MAF: variants seen among roughly 807,000 people sequenced by gnomAD.
MAF encodes the protein MAF bZIP transcription factor, also known as transcription factor Maf.
A neutral mutation model predicts 22.0 loss-of-function variants in MAF; 10 were observed. The ratio of observed to expected loss-of-function variants is 0.45; its 90% confidence interval spans 0.28 to 0.77. MAF has a LOEUF of 0.77. Ranked by LOEUF, MAF falls within the 30% of genes least tolerant of loss-of-function variation. The probability of loss-of-function intolerance (pLI) is 0.12; values close to 1 mark genes in which losing one functional copy is unlikely to be tolerated. For missense variants in MAF, 544 were observed against 548.4 expected, an observed-to-expected ratio of 0.99 and a Z score of 0.08; for synonymous variants, 337 against 255.8, an observed-to-expected ratio of 1.32 and a Z score of -3.03.
chr16:79,333,204 A>G, the MAF span, among the ~76,000 whole-genome samples: 1 of 152,174 alleles, frequency 6.6e-6, no homozygotes, highest in Non-Finnish European at 1.5e-5. Flanking sequence ...TCGCTGGACC[A>G]GAAGAACTTT....
At chr16:79,515,450 A>C in the MAF span, among the ~76,000 whole-genome samples, 8 of 152,216 alleles carry the variant, frequency 5.3e-5, no homozygotes, top group African/African-American at 1.9e-4. Flanking sequence ...AAGTTATTCA[A>C]CACTTTATTA....
At chr16:79,510,639 G>A in the MAF span, among the ~76,000 whole-genome samples, 727 of 152,278 alleles carry the variant, frequency 4.8e-3, 3 homozygotes, top group Middle Eastern at 0.024. Flanking sequence ...GAAGACTTGT[G>A]ACCTAAACAA....
the MAF span, among the ~76,000 whole-genome samples, chr16:79,453,081 A>G: frequency 1.3e-3 from 204 of 152,276 alleles, 2 homozygotes; most frequent in African/African-American, 4.8e-3. Context: ...TCTCTAGGTA[A>G]TGTCATCCAA....
chr16:79,283,988 C>CAA, the MAF span, among the ~76,000 whole-genome samples: 2 of 136,654 alleles, frequency 1.5e-5, no homozygotes, highest in African/African-American at 2.7e-5. Flanking sequence ...AAAAAAAAGA[C>CAA]AAAGCCCCAT....
At position 79,598,290 on chromosome 16, in the gene MAF, A is replaced by AAC. The variant is rs1256581211; in HGVS notation, c.1118+493_1118+494dup. 8.5e-4 allele frequency: 882 copies of AAC among 1,037,116 alleles called. 2 individuals carry two copies. Among genetic ancestry groups the AAC allele is most frequent in the African/African-American group, 1.4e-3 (83 of 60,558 alleles). The allele number at this position is 1,037,116 out of a possible 1,614,324, so 64.2% of individuals were successfully genotyped here. ...AAAAAAAAAAATCCAAACAAAATAA[A>AAC]ACACACACACACACAGAAAATGAAC... is the stretch of plus-strand genomic sequence containing the variant. On this transcript the variant is annotated intron_variant, in intron 1 of 1. Coordinates refer to ENST00000326043, the MANE Select transcript of MAF (RefSeq NM_005360.5).
At chr16:79,445,651 G>C in the MAF span, among the ~76,000 whole-genome samples, 1 of 152,296 alleles carries the variant, frequency 6.6e-6, no homozygotes, top group South Asian at 2.1e-4. Context: ...ATGGAGTCAG[G>C]GAAGGATGAA....
At chr16:79,483,253 C>G in the MAF span, among the ~76,000 whole-genome samples, 25 of 35,040 alleles carry the variant, frequency 7.1e-4, 1 homozygote, top group East Asian at 0.011. Context: ...CCTCTCCCCT[C>G]CCCCGTCCCT....
At chr16:79,564,493 C>T in the MAF span, among the ~76,000 whole-genome samples, 250 of 152,284 alleles carry the variant, frequency 1.6e-3, 1 homozygote, top group African/African-American at 2.9e-3. Flanking sequence ...CATCTTTGAG[C>T]CTGATAACTT....
rs1567570088 is a variant in MAF at position 79,600,680 on chromosome 16, GC to G, written c.-779del. Reference sequence around the variant, plus strand: ...GGGGAGGGGGAGGCCAAGCCGACAAGCAGCCCGAGCTACAGCTAGAAGATGA... The same window carrying G: ...GGGGAGGGGGAGGCCAAGCCGACAAGAGCCCGAGCTACAGCTAGAAGATGA... On this transcript the variant is annotated 5_prime_UTR_variant, in exon 1 of 2. Coordinates refer to ENST00000326043, the MANE Select transcript of MAF (RefSeq NM_005360.5). 1.5e-5 allele frequency: 3 copies of G among 196,122 alleles called. No individual in the cohort carries two copies. Among genetic ancestry groups the G allele is most frequent in the African/African-American group, 2.4e-5 (1 of 42,220 alleles). 12.1% of individuals were successfully genotyped at this position (196,122 alleles called of 1,614,324 possible).
chr16:79,567,411 T>C, the MAF span, among the ~76,000 whole-genome samples: 1 of 152,198 alleles, frequency 6.6e-6, no homozygotes, highest in East Asian at 1.9e-4. Context: ...CATACACAGA[T>C]ACATCCACAT....
chr16:79,331,091 T>G, the MAF span, among the ~76,000 whole-genome samples: 1 of 152,194 alleles, frequency 6.6e-6, no homozygotes, highest in Non-Finnish European at 1.5e-5. Context: ...GTTTGAGGAT[T>G]GAAGCACCTC....
At chr16:79,322,021 C>A in the MAF span, among the ~76,000 whole-genome samples, 7 of 152,098 alleles carry the variant, frequency 4.6e-5, no homozygotes, top group Non-Finnish European at 1.0e-4. Context: ...CACCTGAGGT[C>A]AGAGGTTTGC....
At chr16:79,576,032 T>A in the MAF span, among the ~76,000 whole-genome samples, 1 of 152,054 alleles carries the variant, frequency 6.6e-6, no homozygotes, top group South Asian at 2.1e-4. Context: ...CCACTATTAA[T>A]GGGAATAATG....
the MAF span, among the ~76,000 whole-genome samples, chr16:79,348,823 G>A: frequency 6.6e-6 from 1 of 152,130 alleles, no homozygotes; most frequent in Non-Finnish European, 1.5e-5. Flanking sequence ...AATGAGTCAG[G>A]GCAGATATTC....
chr16:79,512,459 G>A, the MAF span, among the ~76,000 whole-genome samples: 3 of 152,106 alleles, frequency 2.0e-5, no homozygotes, highest in African/African-American at 7.2e-5. Context: ...CCATGGAGCA[G>A]ATGTGATCAG....
chr16:79,545,525 G>GA, the MAF span, among the ~76,000 whole-genome samples: 269 of 146,528 alleles, frequency 1.8e-3, 1 homozygote, highest in African/African-American at 5.1e-3. Flanking sequence ...CAAGCCATTG[G>GA]AAAAAAAAAA....
At chr16:79,289,326 G>A in the MAF span, among the ~76,000 whole-genome samples, 1 of 152,080 alleles carries the variant, frequency 6.6e-6, no homozygotes, top group Non-Finnish European at 1.5e-5. Context: ...GAGAGGAGAT[G>A]GGGGAAATCA....
At chr16:79,426,323 A>G in the MAF span, among the ~76,000 whole-genome samples, 1 of 152,376 alleles carries the variant, frequency 6.6e-6, no homozygotes, top group South Asian at 2.1e-4. Flanking sequence ...TGCTGATTAC[A>G]TGACATGATA....
the MAF span, among the ~76,000 whole-genome samples, chr16:79,464,379 C>T: frequency 1.9e-4 from 29 of 151,966 alleles, no homozygotes; most frequent in Non-Finnish European, 3.4e-4. Context: ...CCACAGTAGC[C>T]GTGAAGACAT....
Sources: gnomAD v4.1 joint callset for allele counts (sites outside exome capture counted in the v4.1 genomes callset) on GRCh38, gnomAD v4.1.1 for gene constraint, MANE v1.5 for transcripts, NCBI Gene and HGNC (gene_info 2026-07-23, HGNC 2026-07-21) for gene names.